AKT3: variants seen among roughly 807,000 people sequenced by gnomAD.
The protein encoded by AKT3 is RAC-gamma serine/threonine-protein kinase.
In AKT3, 15 loss-of-function variants were observed where a neutral mutation model predicts 65.3. The observed-to-expected ratio is 0.23, with a 90% CI of 0.15 to 0.35. The LOEUF is 0.35. Among genes scored for constraint, AKT3 ranks in the 10% least tolerant of loss-of-function variants. The pLI is 1.00. For synonymous variants in AKT3, 206 were observed against 183.8 expected (o/e 1.12, Z -0.98); for missense variants, 243 against 576.5 (o/e 0.42, Z 5.92).
At chr1:243,653,346 A>G (rs1208457958) in intron 4 of AKT3, among the ~76,000 whole-genome samples, 2 of 152,224 alleles carry the variant, frequency 1.3e-5, no homozygotes, top group Non-Finnish European at 2.9e-5. Flanking sequence ...AAATTCAGGC[A>G]GCAATTAACA....
intron 3 of AKT3, among the ~76,000 whole-genome samples, chr1:243,684,528 G>A (rs1684150903): frequency 6.6e-6 from 1 of 152,162 alleles, no homozygotes; most frequent in Admixed American, 6.5e-5. Context: ...TGGTATGTAT[G>A]TGCCACATTT....
rs959735576 is a variant in AKT3 at position 243,815,710 on chromosome 1, T to G, written c.46+27415A>C. 2.6e-5 allele frequency among the ~76,000 whole-genome samples: 4 copies of G among 151,150 alleles called. No homozygotes were observed. In the Middle Eastern group the frequency reaches 0.014, roughly 518 times the overall value. On this transcript the variant is annotated intron_variant, in intron 2 of 13. Transcript: ENST00000673466. The stretch of plus-strand genomic sequence containing the variant: ...CCTCCCAGGCTCAAGAACTTAGAGA[T>G]AGCGATCCTCCCACCTCAGTCTCCC...
intron 8 of AKT3, among the ~76,000 whole-genome samples, chr1:243,610,106 T>A (rs544827170): frequency 5.3e-5 from 8 of 152,370 alleles, no homozygotes; most frequent in Admixed American, 5.2e-4. Flanking sequence ...ACTTAATACA[T>A]ATGTATTTTT....
intron 11 of AKT3, among the ~76,000 whole-genome samples, chr1:243,549,895 C>T (rs1022850053): frequency 2.0e-5 from 3 of 152,144 alleles, no homozygotes; most frequent in African/African-American, 7.2e-5. Context: ...TAAATATTTT[C>T]TAAGAAACCT....
At chr1:243,498,376 A>G (rs1004768596), downstream of AKT3, among the ~76,000 whole-genome samples, 2 of 152,156 alleles carry the variant, frequency 1.3e-5, no homozygotes, top group South Asian at 2.1e-4. Context: ...AGAACAAAGC[A>G]TCCCGTGGGC....
intron 2 of AKT3, among the ~76,000 whole-genome samples, chr1:243,761,293 G>C (rs1197995257): frequency 6.6e-6 from 1 of 152,052 alleles, no homozygotes; most frequent in Non-Finnish European, 1.5e-5. Context: ...CAAATTTTGA[G>C]AACTGAAAAA....
At chr1:243,617,973 T>A (rs898755878) in intron 6 of AKT3, among the ~76,000 whole-genome samples, 3 of 152,146 alleles carry the variant, frequency 2.0e-5, no homozygotes, top group Non-Finnish European at 4.4e-5. Context: ...TGGTTTAAGA[T>A]GTTAAGTGAT....
At chr1:243,829,096 G>A (rs543451910) in intron 2 of AKT3, among the ~76,000 whole-genome samples, 10 of 152,058 alleles carry the variant, frequency 6.6e-5, no homozygotes, top group Non-Finnish European at 1.3e-4. Flanking sequence ...TCTTCAATCC[G>A]AATCTCTTGA....
At chr1:243,524,542 T>C (rs1428232673) in intron 12 of AKT3, among the ~76,000 whole-genome samples, 1 of 152,256 alleles carries the variant, frequency 6.6e-6, no homozygotes, top group Non-Finnish European at 1.5e-5. Context: ...ATGTTTTGGC[T>C]GCACTGAACT....
intron 8 of AKT3, among the ~76,000 whole-genome samples, chr1:243,578,578 T>C (rs1192815358): frequency 6.6e-6 from 1 of 152,112 alleles, no homozygotes; most frequent in Admixed American, 6.6e-5. Context: ...GGCTAATGCA[T>C]GCTGAGCTTA....
chr1:243,567,907 C>T (rs756047046), intron 9 of AKT3, among the ~76,000 whole-genome samples: 3 of 152,068 alleles, frequency 2.0e-5, no homozygotes, highest in East Asian at 1.9e-4. Context: ...TAGGGTGATT[C>T]GTAAACCTGC....
At chr1:243,658,684 C>A (rs186160668) in intron 4 of AKT3, among the ~76,000 whole-genome samples, 2 of 151,902 alleles carry the variant, frequency 1.3e-5, no homozygotes, top group Non-Finnish European at 2.9e-5. Context: ...CTCATTGTTG[C>A]ACTATTCGCA....
At chr1:243,805,181 C>T (rs1558827795) in intron 2 of AKT3, among the ~76,000 whole-genome samples, 3 of 152,130 alleles carry the variant, frequency 2.0e-5, no homozygotes, top group Admixed American at 2.0e-4. Flanking sequence ...CAGAGAAATT[C>T]CCTCTTTTTT....
intron 3 of AKT3, among the ~76,000 whole-genome samples, chr1:243,674,819 G>A (rs1450238325): frequency 2.0e-5 from 3 of 152,176 alleles, no homozygotes; most frequent in Non-Finnish European, 4.4e-5. Flanking sequence ...ATGTGATTGT[G>A]ATACAGCTTT....
Position 243,645,947 on chromosome 1 carries a change from A to C in AKT3, c.375T>G (p.Ile125Met), listed in dbSNP as rs757469708. The C allele has an allele frequency of 6.2e-7, 1 of 1,612,628 alleles. No individual in the cohort carries two copies. Among genetic ancestry groups the C allele is most frequent in the East Asian group, 2.2e-5 (1 of 44,856 alleles). The change falls in exon 5 of 14, where the codon ATT becomes ATG. Residue 125 changes from isoleucine to methionine, a missense_variant. By Grantham distance (10) the Ile-to-Met change is conservative. Transcript: ENST00000673466. ...CCATCTCTTCCTCTCCTATATTATC[A>C]ATTTGTGAAGTTGGACTACAATTCA... ...ERMNCSPTSQ[I>M]DNIGEEEMDA...
intron 2 of AKT3, among the ~76,000 whole-genome samples, chr1:243,764,495 C>A (rs780482076): frequency 6.6e-6 from 1 of 151,918 alleles, no homozygotes; most frequent in Non-Finnish European, 1.5e-5. Flanking sequence ...TACACAAATA[C>A]GTTGGTAGGA....
At chr1:243,584,113 C>G (rs943260303) in intron 8 of AKT3, among the ~76,000 whole-genome samples, 1 of 151,956 alleles carries the variant, frequency 6.6e-6, no homozygotes, top group Admixed American at 6.6e-5. Flanking sequence ...TATAAATAAC[C>G]ACAATTAGAA....
chr1:243,687,293 A>G (rs765860077), intron 3 of AKT3: 2 of 152,134 alleles, frequency 1.3e-5, no homozygotes, highest in Non-Finnish European at 2.9e-5. Flanking sequence ...CAGAAAGTAA[A>G]GACTGTAACT....
intron 3 of AKT3, among the ~76,000 whole-genome samples, chr1:243,669,807 T>C (rs573117570): frequency 6.9e-4 from 105 of 152,170 alleles, no homozygotes; most frequent in Non-Finnish European, 1.3e-3. Flanking sequence ...TGAAAAGGAA[T>C]GGCTTAGAAA....
Sources: allele counts gnomAD v4.1 joint callset (sites outside exome capture counted in the v4.1 genomes callset), GRCh38; gene constraint gnomAD v4.1.1; transcripts MANE v1.5; gene names NCBI Gene and HGNC (gene_info 2026-07-23, HGNC 2026-07-21).